Variants in OR1J2 observed in about 807,000 individuals in gnomAD.
OR1J2 encodes the protein olfactory receptor 1J2.
For synonymous variants in OR1J2, 142 were observed against 99.7 expected (o/e 1.42, Z -2.52); for missense variants, 304 against 246.1 (o/e 1.24, Z -1.57).
chr9:122,550,514 C>T, the OR1J2 span, among the ~76,000 whole-genome samples: 7 of 151,068 alleles, frequency 4.6e-5, no homozygotes, highest in African/African-American at 1.5e-4. Context: ...TACTAGCAAA[C>T]TGAATCCAAC....
the OR1J2 span, among the ~76,000 whole-genome samples, chr9:122,447,875 A>T: frequency 6.6e-6 from 1 of 152,196 alleles, no homozygotes; most frequent in Admixed American, 6.5e-5. Context: ...TGTGGCTCAC[A>T]TCTGTAATCT....
At chr9:122,579,228 GAAT>G in the OR1J2 span, among the ~76,000 whole-genome samples, 15 of 151,760 alleles carry the variant, frequency 9.9e-5, no homozygotes, top group East Asian at 5.8e-4. Context: ...TTTGAATACA[GAAT>G]AATAATCTTA....
the OR1J2 span, among the ~76,000 whole-genome samples, chr9:122,490,597 G>A: frequency 6.6e-6 from 1 of 152,246 alleles, no homozygotes; most frequent in Non-Finnish European, 1.5e-5. Context: ...CAACAACATA[G>A]AGGCAGAGCA....
the OR1J2 span, among the ~76,000 whole-genome samples, chr9:122,481,462 C>T: frequency 6.6e-6 from 1 of 151,878 alleles, no homozygotes; most frequent in African/African-American, 2.4e-5. Context: ...ATTCCGGACA[C>T]ATAGAGAACT....
the OR1J2 span, among the ~76,000 whole-genome samples, chr9:122,576,225 T>A: frequency 6.6e-6 from 1 of 151,516 alleles, no homozygotes; most frequent in African/African-American, 2.4e-5. Flanking sequence ...TTTTTTACAT[T>A]TTTTTTTATT....
chr9:122,486,646 A>C, the OR1J2 span, among the ~76,000 whole-genome samples: 6 of 152,350 alleles, frequency 3.9e-5, no homozygotes, highest in African/African-American at 1.4e-4. Flanking sequence ...GATGCAATTT[A>C]TATCATATCA....
chr9:122,500,101 T>C, the OR1J2 span, among the ~76,000 whole-genome samples: 1 of 152,224 alleles, frequency 6.6e-6, no homozygotes, highest in African/African-American at 2.4e-5. Flanking sequence ...CTAAAATGCT[T>C]GCACAGCCAC....
chr9:122,532,765 A>G, the OR1J2 span, among the ~76,000 whole-genome samples: 5 of 152,250 alleles, frequency 3.3e-5, no homozygotes, highest in East Asian at 9.7e-4. Context: ...AGTAAGGTCA[A>G]GTTGTTTGGA....
the OR1J2 span, among the ~76,000 whole-genome samples, chr9:122,548,759 C>T: frequency 8.9e-6 from 1 of 112,654 alleles, no homozygotes; most frequent in Non-Finnish European, 1.7e-5. Flanking sequence ...TCTACCCCCA[C>T]CCCACAACAG....
At chr9:122,527,600 G>A in the OR1J2 span, among the ~76,000 whole-genome samples, 1 of 152,058 alleles carries the variant, frequency 6.6e-6, no homozygotes, top group African/African-American at 2.4e-5. Context: ...TTTTGCAGTA[G>A]GCTGTCTATG....
the OR1J2 span, among the ~76,000 whole-genome samples, chr9:122,547,095 A>G: frequency 1.4e-5 from 2 of 145,384 alleles, no homozygotes; most frequent in African/African-American, 5.1e-5. Context: ...AAGAATATTA[A>G]TAAAGAATAA....
the OR1J2 span, among the ~76,000 whole-genome samples, chr9:122,546,454 C>A: frequency 4.6e-5 from 7 of 152,114 alleles, no homozygotes; most frequent in African/African-American, 1.7e-4. Flanking sequence ...AACGTTTGCT[C>A]GCACGGTGCT....
the OR1J2 span, among the ~76,000 whole-genome samples, chr9:122,493,107 A>G: frequency 1.6e-4 from 24 of 152,032 alleles, no homozygotes; most frequent in Non-Finnish European, 5.9e-5. Context: ...TTGGTTCACT[A>G]GTATTTTGTT....
the OR1J2 span, chr9:122,572,769 C>G: frequency 2.0e-5 from 3 of 152,210 alleles, no homozygotes; most frequent in African/African-American, 7.2e-5. Flanking sequence ...GGCTAGCTCA[C>G]TGAAGCTCAC....
chr9:122,568,399 T>G, the OR1J2 span: 919,078 of 1,612,204 alleles, frequency 0.57, 267,444 homozygotes, highest in East Asian at 0.98. Flanking sequence ...ACAAAGAGTG[T>G]CTTTTGGTCC....
chr9:122,510,808 C>T lies in OR1J2; in HGVS notation c.7C>T (p.Pro3Ser). 1 of 1,562,540 alleles carries T rather than the reference C, an allele frequency of 6.4e-7. No individual in the cohort carries two copies. The highest frequency in any genetic ancestry group is 1.2e-5 in the South Asian group (1 of 86,016). MS[P>S]ENQSSVSEFL... The stretch of plus-strand genomic sequence containing the variant: ...CATCAGAGGGCAAAGGAGTATGAGC[C>T]CTGAGAACCAGAGCAGCGTGTCCGA... The change falls in exon 1 of 1, where the codon CCT becomes TCT. Residue 3 changes from proline (P) to serine (S), a missense_variant. Coordinates refer to ENST00000335302, the MANE Select transcript of OR1J2 (RefSeq NM_054107.1).
At chr9:122,521,531 C>A in the OR1J2 span, among the ~76,000 whole-genome samples, 4 of 152,270 alleles carry the variant, frequency 2.6e-5, no homozygotes, top group African/African-American at 9.6e-5. Context: ...GGCATCCAGT[C>A]CTTTGTAGAA....
chr9:122,503,819 C>T, the OR1J2 span, among the ~76,000 whole-genome samples: 1 of 152,332 alleles, frequency 6.6e-6, no homozygotes, highest in African/African-American at 2.4e-5. Flanking sequence ...AGGTATACTG[C>T]ACAATAACTT....
At chr9:122,532,000 G>A in the OR1J2 span, among the ~76,000 whole-genome samples, 2 of 149,456 alleles carry the variant, frequency 1.3e-5, no homozygotes, top group Non-Finnish European at 3.0e-5. Context: ...CCCTGAGCTT[G>A]ATGTGTAGGG....
Sources: gnomAD v4.1 joint callset for allele counts (sites outside exome capture counted in the v4.1 genomes callset) on GRCh38, gnomAD v4.1.1 for gene constraint, MANE v1.5 for transcripts, NCBI Gene and HGNC (gene_info 2026-07-23, HGNC 2026-07-21) for gene names.